ADGRV1: variants seen among roughly 807,000 people sequenced by gnomAD.
ADGRV1 encodes the protein adhesion G protein-coupled receptor V1, also known as G-protein coupled receptor 98.
In ADGRV1, 359 loss-of-function variants were observed where a neutral mutation model predicts 596.2. The observed-to-expected ratio is 0.60, with a 90% CI of 0.55 to 0.66. ADGRV1 has a LOEUF of 0.66. ADGRV1 is among the 30% of genes least tolerant of loss of function. ADGRV1 has a pLI of 0.00. For missense variants in ADGRV1, 7,274 were observed against 7,575.6 expected, an observed-to-expected ratio of 0.96 and a Z score of 1.48; for synonymous variants, 2,681 against 2,679.2, an observed-to-expected ratio of 1.00 and a Z score of -0.02.
intron 86 of ADGRV1, among the ~76,000 whole-genome samples, chr5:91,090,544 C>T (rs1790298602): frequency 6.6e-6 from 1 of 151,694 alleles, no homozygotes; most frequent in Non-Finnish European, 1.5e-5. Context: ...CCTTGAGACT[C>T]CACTGAGAAT....
At chr5:91,026,154 C>T (rs916349582) in intron 85 of ADGRV1, among the ~76,000 whole-genome samples, 8 of 152,128 alleles carry the variant, frequency 5.3e-5, no homozygotes, top group African/African-American at 1.9e-4. Context: ...GCTCCAAGGT[C>T]AGTGCTTTGA....
intron 65 of ADGRV1, 30 bp downstream of exon 65, chr5:90,781,608 G>A: frequency 1.3e-6 from 2 of 1,572,722 alleles, no homozygotes; most frequent in Non-Finnish European, 1.7e-6. Flanking sequence ...TTGTAAGTAA[G>A]TTTACTACCA....
At chr5:90,924,618 C>T in intron 83 of ADGRV1, among the ~76,000 whole-genome samples, 1 of 151,208 alleles carries the variant, frequency 6.6e-6, no homozygotes, top group African/African-American at 2.4e-5. Context: ...TTTTGCTGTG[C>T]AGAAGCTCTT....
chr5:90,765,915 T>C (rs1757070186), intron 59 of ADGRV1, among the ~76,000 whole-genome samples: 1 of 151,272 alleles, frequency 6.6e-6, no homozygotes, highest in African/African-American at 2.4e-5. Flanking sequence ...TTATTTTAAT[T>C]AATTAGTTTT....
intron 87 of ADGRV1, among the ~76,000 whole-genome samples, chr5:91,114,246 G>A (rs1792646166): frequency 6.6e-6 from 1 of 151,630 alleles, no homozygotes; most frequent in South Asian, 2.1e-4. Context: ...CAGAAAGATG[G>A]CTGGGTGCAG....
At chr5:90,892,031 G>A (rs1466987790) in intron 83 of ADGRV1, among the ~76,000 whole-genome samples, 1 of 151,860 alleles carries the variant, frequency 6.6e-6, no homozygotes. Flanking sequence ...CTAAAGGATG[G>A]ATTCTTTTGA....
intron 70 of ADGRV1, chr5:90,791,581 A>T (rs1261875297): frequency 2.0e-6 from 1 of 491,732 alleles, no homozygotes; most frequent in Non-Finnish European, 3.6e-6. Flanking sequence ...ACACTTATTT[A>T]ATACTTACAA....
intron 85 of ADGRV1, among the ~76,000 whole-genome samples, chr5:91,041,740 G>A (rs1785380824): frequency 6.6e-6 from 1 of 151,832 alleles, no homozygotes; most frequent in Admixed American, 6.6e-5. Context: ...ATTTCCTGAA[G>A]CTAGATGAGA....
chr5:90,871,631 AC>A (rs1768694442), intron 83 of ADGRV1, among the ~76,000 whole-genome samples: 1 of 152,244 alleles, frequency 6.6e-6, no homozygotes, highest in Non-Finnish European at 1.5e-5. Context: ...ACCAAAAAAT[AC>A]CAGTTTGGAA....
At chr5:90,679,243 AAAT>A (rs1744630375) in intron 25 of ADGRV1, among the ~76,000 whole-genome samples, 1 of 151,958 alleles carries the variant, frequency 6.6e-6, no homozygotes, top group Non-Finnish European at 1.5e-5. Context: ...AGATATTAGA[AAAT>A]AATTTACGTT....
rs1758495085 is a variant in ADGRV1 at position 90,778,504 on chromosome 5, G to A, written c.12744G>A (p.Leu4248=). 1.2e-6 allele frequency: 2 copies of A among 1,613,066 alleles called. No individual in the cohort carries two copies. The highest frequency in any genetic ancestry group is 1.7e-5 in the Admixed American group (1 of 59,898). ...CTGCAGTCAGTGAGGGAGGAGTTCT[G>A]AGTGAATCCAGCAGCACTGCCAACA... ...QLTAVSEGGV[L]SESSSTANIT... The change falls in exon 63 of 90, where the codon CTG becomes CTA. Residue 4248 remains leucine (L), a synonymous_variant. Transcript: ENST00000405460.
At chr5:91,156,415 A>G (rs918770734) in intron 89 of ADGRV1, among the ~76,000 whole-genome samples, 18 of 152,236 alleles carry the variant, frequency 1.2e-4, no homozygotes, top group Admixed American at 1.0e-3. Flanking sequence ...AGAAATGATT[A>G]GCTGCACAAA....
At chr5:90,702,852 ATT>A in intron 34 of ADGRV1, among the ~76,000 whole-genome samples, 1 of 152,008 alleles carries the variant, frequency 6.6e-6, no homozygotes, top group South Asian at 2.1e-4. Flanking sequence ...CATAATAATA[ATT>A]TTTTAGTGAT....
intron 31 of ADGRV1, among the ~76,000 whole-genome samples, chr5:90,691,789 T>C (rs1028205020): frequency 2.6e-5 from 4 of 152,164 alleles, no homozygotes; most frequent in African/African-American, 9.7e-5. Context: ...CATTCATTCA[T>C]TCACTTATTC....
intron 87 of ADGRV1, among the ~76,000 whole-genome samples, chr5:91,125,689 A>G (rs912449153): frequency 6.6e-6 from 1 of 152,232 alleles, no homozygotes; most frequent in African/African-American, 2.4e-5. Context: ...TTTCAAAGGA[A>G]TAAAGGAGAA....
At chr5:90,602,626 C>T (rs1035442624) in intron 1 of ADGRV1, among the ~76,000 whole-genome samples, 1 of 152,162 alleles carries the variant, frequency 6.6e-6, no homozygotes, top group Non-Finnish European at 1.5e-5. Flanking sequence ...AATAAGAAAA[C>T]TCTGAGGAAA....
chr5:90,919,769 C>T (rs1419075101), intron 83 of ADGRV1, among the ~76,000 whole-genome samples: 8 of 151,930 alleles, frequency 5.3e-5, no homozygotes, highest in South Asian at 2.1e-4. Flanking sequence ...CCGAGGTGGG[C>T]GGATCACCTG....
intron 21 of ADGRV1, among the ~76,000 whole-genome samples, chr5:90,667,136 T>A (rs989176528): frequency 6.7e-6 from 1 of 150,348 alleles, no homozygotes; most frequent in Admixed American, 6.6e-5. Context: ...TCTCTGTATT[T>A]CCTGAATCTG....
At chr5:90,675,850 A>G (rs1173320297) in intron 24 of ADGRV1, among the ~76,000 whole-genome samples, 1 of 152,132 alleles carries the variant, frequency 6.6e-6, no homozygotes, top group Admixed American at 6.6e-5. Context: ...GAAAAAAGAA[A>G]TAATCTACTT....
Sources: gnomAD v4.1 joint callset for allele counts (sites outside exome capture counted in the v4.1 genomes callset) on GRCh38, gnomAD v4.1.1 for gene constraint, MANE v1.5 for transcripts, NCBI Gene and HGNC (gene_info 2026-07-23, HGNC 2026-07-21) for gene names.